The following TSC1 variants were observed in gnomAD, a reference collection of about 807,000 sequenced individuals.
TSC1 encodes hamartin.
TSC1 carries 20 observed loss-of-function variants against 124.3 expected under a neutral mutation model. The observed-to-expected ratio is 0.16, with a 90% CI of 0.11 to 0.23. The LOEUF (loss-of-function observed/expected upper bound fraction) is 0.23, where lower values mean the gene tolerates loss of function less well. Ranked by LOEUF, TSC1 falls within the 10% of genes least tolerant of loss-of-function variation. The pLI is 1.00. For synonymous variants in TSC1, 493 were observed against 539.1 expected (o/e 0.91, Z 1.19); for missense variants, 1,124 against 1,448.5 (o/e 0.78, Z 3.64).
At chr9:132,943,818 G>A (rs962629076) in intron 1 of TSC1, 1 of 152,178 alleles carries the variant, frequency 6.6e-6, no homozygotes, top group African/African-American at 2.4e-5. Context: ...CTCTTTAACA[G>A]GAAACACAAA....
chr9:132,945,024 C>T (rs1469927601), upstream of TSC1, among the ~76,000 whole-genome samples: 3 of 152,040 alleles, frequency 2.0e-5, no homozygotes, highest in Non-Finnish European at 2.9e-5. Flanking sequence ...GGTTGGAGCG[C>T]CCTGCCCCTG....
intron 19 of TSC1, among the ~76,000 whole-genome samples, chr9:132,901,162 A>G (rs1348827621): frequency 6.6e-6 from 1 of 152,238 alleles, no homozygotes; most frequent in East Asian, 1.9e-4. Flanking sequence ...CCCTAGGGAA[A>G]ACTCACCGTT....
At position 132,903,437 on chromosome 9, in the gene TSC1, A is replaced by G. The variant is rs1176765594; in HGVS notation, c.2208+214T>C. Among the ~76,000 whole-genome samples the G allele has an allele frequency of 6.6e-6, 1 of 152,202 alleles. No individual in the cohort carries two copies. The highest frequency in any genetic ancestry group is 1.5e-5 in the Non-Finnish European group (1 of 68,028). On this transcript the variant is annotated intron_variant, in intron 17 of 22. Transcript: ENST00000298552. This position sits in a 1 kb window ranked among gnomAD's most constrained non-coding sequence, Gnocchi z 5.9. ...TCATCATGGCCAGTTACATGCAAAC[A>G]TACACACACAAAATCACTTGTCCCC...
chr9:132,928,715 G>A, intron 3 of TSC1, 52 bp downstream of exon 3: 3 of 1,608,122 alleles, frequency 1.9e-6, no homozygotes, highest in Non-Finnish European at 8.5e-7. Flanking sequence ...TGGCTCTAAA[G>A]TCAATCTCTT....
At chr9:132,916,336 T>G (rs1227597857) in intron 8 of TSC1, among the ~76,000 whole-genome samples, 1 of 152,196 alleles carries the variant, frequency 6.6e-6, no homozygotes, top group Non-Finnish European at 1.5e-5. Flanking sequence ...CCAATTCTGT[T>G]AGCTGAATTG....
intron 12 of TSC1, among the ~76,000 whole-genome samples, chr9:132,909,255 T>A (rs998248654): frequency 1.3e-5 from 2 of 152,212 alleles, no homozygotes; most frequent in African/African-American, 4.8e-5. Context: ...CAACGTATCA[T>A]ACATTGGACA....
chr9:132,904,632 A>T (rs1271709355), intron 15 of TSC1, among the ~76,000 whole-genome samples, 178 bp from the exon 16 acceptor site: 1 of 151,696 alleles, frequency 6.6e-6, no homozygotes, highest in Admixed American at 6.6e-5. Flanking sequence ...ACTGGACACA[A>T]TGGGAGGCGG....
rs2132128752 is a variant in TSC1 at position 132,921,213 on chromosome 9, C to T, written c.737+150G>A. 16 of 806,858 alleles carry T rather than the reference C, an allele frequency of 2.0e-5. No individual in the cohort carries two copies. In the South Asian group the frequency reaches 2.4e-4, roughly 12 times the overall value. 50.0% of individuals were successfully genotyped at this position (806,858 alleles called of 1,614,324 possible). On this transcript the variant is annotated intron_variant, in intron 8 of 22. Transcript: ENST00000298552. The surrounding 1 kb of genome is among the most constrained non-coding windows in gnomAD (Gnocchi z 4.3). ...GTGAAGAGTATGTTTTAAACTCACA[C>T]AAATTTTAGCTGTATGAGTGCTTCC...
intron 9 of TSC1, 56 bp from the exon 10 acceptor site, chr9:132,911,624 T>G (rs999686): frequency 3.3e-6 from 1 of 301,834 alleles, no homozygotes; most frequent in Non-Finnish European, 5.4e-6. Context: ...GTTATTCTGG[T>G]TAAAAAAAAA....
At chr9:132,926,223 G>A (rs1043337050) in intron 4 of TSC1, 2 of 202,340 alleles carry the variant, frequency 9.9e-6, no homozygotes, top group Non-Finnish European at 2.0e-5. Flanking sequence ...TGCACTTTGG[G>A]AGGCTGAGGC....
At chr9:132,912,024 A>G (rs1244915646) in intron 9 of TSC1, among the ~76,000 whole-genome samples, 1 of 152,158 alleles carries the variant, frequency 6.6e-6, no homozygotes, top group African/African-American at 2.4e-5. Context: ...ACTTAAACCC[A>G]TTTTCTTTCT....
chr9:132,908,012 G>C (rs1447398367), intron 12 of TSC1, among the ~76,000 whole-genome samples: 1 of 152,192 alleles, frequency 6.6e-6, no homozygotes, highest in Non-Finnish European at 1.5e-5. Flanking sequence ...ACCTGAGCCA[G>C]GGAGGTCAAG....
At position 132,911,504 on chromosome 9, in the gene TSC1, T is replaced by C. The variant is rs1060504862; in HGVS notation, c.978A>G (p.Leu326=). The C allele has an allele frequency of 1.9e-6, 3 of 1,613,824 alleles. No individual in the cohort carries two copies. The highest frequency in any genetic ancestry group is 2.2e-5 in the South Asian group (2 of 91,056). ...TCGATGGGGAACTCAGAGTCTGAGGTAGCTGCCCTGGCATATTTAACAACA... is the reference window on the plus strand; with the variant it reads ...TCGATGGGGAACTCAGAGTCTGAGGCAGCTGCCCTGGCATATTTAACAACA... ...RLMLLNMPGQ[L]PQTLSSPSTR... is the part of the protein sequence containing the mutation. The change falls in exon 10 of 23, where the codon CTA becomes CTG. Residue 326 remains leucine, a synonymous_variant. Coordinates refer to ENST00000298552, the MANE Select transcript of TSC1 (RefSeq NM_000368.5).
At chr9:132,939,473 C>A (rs1262964597) in intron 1 of TSC1, among the ~76,000 whole-genome samples, 1 of 152,158 alleles carries the variant, frequency 6.6e-6, no homozygotes, top group Non-Finnish European at 1.5e-5. Flanking sequence ...CCATCAGGGG[C>A]CTTGATGGAT....
intron 8 of TSC1, among the ~76,000 whole-genome samples, chr9:132,919,797 C>T (rs944914464): frequency 2.0e-5 from 3 of 152,200 alleles, no homozygotes; most frequent in East Asian, 1.9e-4. Context: ...TGCCAAGAGA[C>T]AGGCATGTCT....
chr9:132,907,158 T>C (rs1845715019), intron 13 of TSC1, 143 bp downstream of exon 13: 1 of 750,228 alleles, frequency 1.3e-6, no homozygotes, highest in African/African-American at 1.7e-5. Context: ...GTGTTTAGAA[T>C]TCACTACTCG....
intron 1 of TSC1, among the ~76,000 whole-genome samples, chr9:132,938,601 G>GA (rs1215957776): frequency 3.3e-5 from 5 of 152,132 alleles, no homozygotes; most frequent in Admixed American, 1.3e-4. Flanking sequence ...TTTACAGACG[G>GA]ATGGCTTATA....
Position 132,892,966 on chromosome 9 carries a change from A to G in TSC1, c.*3269T>C, listed in dbSNP as rs916683290. 1.7e-5 allele frequency: 4 copies of G among 233,142 alleles called. No homozygotes were observed. Among genetic ancestry groups the G allele is most frequent in the Admixed American group, 5.6e-5 (1 of 17,772 alleles). The allele number at this position is 233,142 out of a possible 1,614,324, so 14.4% of individuals were successfully genotyped here. A position where few individuals can be genotyped will look rare whatever the true frequency, so the allele number is the denominator to read the frequency against. ...AAATGGGGACGGCCCAAGAGTCTGG[A>G]GTTTTGTTCCCTGCTGCCCTGCTTT... On this transcript the variant is annotated 3_prime_UTR_variant, in exon 23 of 23. Coordinates refer to ENST00000298552, the MANE Select transcript of TSC1 (RefSeq NM_000368.5).
chr9:132,893,728 G>C lies in TSC1; in HGVS notation c.*2507C>G, dbSNP rs1288759312. On this transcript the variant is annotated 3_prime_UTR_variant, in exon 23 of 23. Coordinates refer to ENST00000298552, the MANE Select transcript of TSC1 (RefSeq NM_000368.5). ...GAGGCCATCCAATCCCAATATTTAT[G>C]AATACCAAGCTGCTTAATTGGTTTC... 1.7e-5 allele frequency: 4 copies of C among 233,178 alleles called. No individual in the cohort carries two copies. The highest frequency in any genetic ancestry group is 8.8e-5 in the African/African-American group (4 of 45,438). 14.4% of individuals were successfully genotyped at this position (233,178 alleles called of 1,614,324 possible).
Sources: allele counts gnomAD v4.1 joint callset (sites outside exome capture counted in the v4.1 genomes callset), GRCh38; gene constraint gnomAD v4.1.1; non-coding constraint Gnocchi (gnomAD v3.1); transcripts MANE v1.5; gene names NCBI Gene and HGNC (gene_info 2026-07-23, HGNC 2026-07-21).